SPTBN1: variants seen among roughly 807,000 people sequenced by gnomAD.
SPTBN1 encodes the protein spectrin beta, non-erythrocytic 1, also known as spectrin beta chain, non-erythrocytic 1.
In SPTBN1, 32 loss-of-function variants were observed where a neutral mutation model predicts 266.4. The observed-to-expected ratio is 0.12, with a 90% CI of 0.09 to 0.16. The LOEUF is 0.16. SPTBN1 is among the 10% of genes least tolerant of loss of function. The pLI is 1.00. For missense variants in SPTBN1, 2,296 were observed against 3,067.1 expected, an observed-to-expected ratio of 0.75 and a Z score of 5.94; for synonymous variants, 1,336 against 1,162.2, an observed-to-expected ratio of 1.15 and a Z score of -3.04.
rs142166385 is a variant in SPTBN1, at chr2:54,634,256, G to A, written c.3767+1488G>A. 6.9e-4 allele frequency among the ~76,000 whole-genome samples: 105 copies of A among 152,248 alleles called. 1 individual carries two copies. Among genetic ancestry groups the A allele is most frequent in the African/African-American group, 2.5e-3 (104 of 41,542 alleles). On this transcript the variant is annotated intron_variant, in intron 17 of 35. Transcript: ENST00000356805. ...TTTTTATGTCCCCAGTGCTGCAACT[G>A]CACAAAGCTGTTGGAAGCAGATGAT...
intron 34 of SPTBN1, among the ~76,000 whole-genome samples, 157 bp from the exon 35 acceptor site, chr2:54,667,447 C>T (rs1572790404): frequency 6.6e-6 from 1 of 152,072 alleles, no homozygotes; most frequent in Non-Finnish European, 1.5e-5. Context: ...TGTTGCTGGG[C>T]CTGGGCGGGT....
chr2:54,644,780 A>G (rs1390729030), intron 20 of SPTBN1, among the ~76,000 whole-genome samples, 194 bp downstream of exon 20: 4 of 152,224 alleles, frequency 2.6e-5, no homozygotes, highest in African/African-American at 9.7e-5. Flanking sequence ...AACTAGAAAG[A>G]CACAGTATTA....
In SPTBN1 at chr2:54,597,384, T is replaced by C. The variant is rs1033038447; in HGVS notation, c.149-1708T>C. On this transcript the variant is annotated intron_variant, in intron 2 of 35. Transcript: ENST00000356805. The stretch of plus-strand genomic sequence containing the variant: ...TTCTGTGGGACCTGTCATGATGTTA[T>C]TGGTGCAGCTGCTTCTCCACTGCAG... Among the ~76,000 whole-genome samples the C allele has an allele frequency of 5.3e-5, 8 of 152,230 alleles. No individual in the cohort carries two copies. The South Asian group carries it at 6.2e-4, about 12-fold the overall frequency.
chr2:54,647,389 G>A lies in SPTBN1; in HGVS notation c.4997+128G>A, dbSNP rs948590189. 8.2e-5 allele frequency: 109 copies of A among 1,333,432 alleles called. 1 individual carries two copies. The South Asian group carries it at 1.3e-3, about 16-fold the overall frequency. 82.6% of individuals were successfully genotyped at this position (1,333,432 alleles called of 1,614,324 possible). Reference sequence around the variant, plus strand: ...TGCTGGTAAGGCAAATCTTTGAGAAGCATTTTTAAAACAGACCCATCATTT... The same window carrying A: ...TGCTGGTAAGGCAAATCTTTGAGAAACATTTTTAAAACAGACCCATCATTT... On this transcript the variant is annotated intron_variant, in intron 24 of 35. Coordinates refer to ENST00000356805, the MANE Select transcript of SPTBN1 (RefSeq NM_003128.3).
intron 1 of SPTBN1, among the ~76,000 whole-genome samples, chr2:54,512,412 G>A (rs1449491528): frequency 1.3e-5 from 2 of 152,164 alleles, no homozygotes; most frequent in Non-Finnish European, 2.9e-5. Flanking sequence ...TAATGCAAGC[G>A]ATGGTAGTTA....
chr2:54,475,531 T>C (rs1667782698), intron 1 of SPTBN1, among the ~76,000 whole-genome samples: 1 of 152,162 alleles, frequency 6.6e-6, no homozygotes, highest in Non-Finnish European at 1.5e-5. Flanking sequence ...ATGGCCTGTG[T>C]CCAGACTGCA....
At chr2:54,662,130 A>G (rs990512887) in intron 32 of SPTBN1, 12 of 985,146 alleles carry the variant, frequency 1.2e-5, no homozygotes, top group Non-Finnish European at 1.4e-5. Context: ...CCACTAAAGC[A>G]CTCTGGACTA....
chr2:54,515,149 GGCCCCC>G (rs1173856735), intron 1 of SPTBN1, among the ~76,000 whole-genome samples: 4 of 151,964 alleles, frequency 2.6e-5, no homozygotes, highest in Non-Finnish European at 5.9e-5. Flanking sequence ...CTGGTCTTGT[GGCCCCC>G]ACCCAGGACT....
chr2:54,520,425 A>T (rs553733158), intron 1 of SPTBN1: 24 of 152,328 alleles, frequency 1.6e-4, no homozygotes, highest in African/African-American at 5.8e-4. Context: ...CCTCAAAGGT[A>T]CAGGATGATA....
intron 2 of SPTBN1, among the ~76,000 whole-genome samples, chr2:54,561,054 A>G (rs1673265240): frequency 6.6e-6 from 1 of 152,224 alleles, no homozygotes; most frequent in African/African-American, 2.4e-5. Context: ...CATTCCTGCA[A>G]GGGTGCCTTT....
At chr2:54,613,343 A>T (rs1558428321) in intron 4 of SPTBN1, among the ~76,000 whole-genome samples, 1 of 152,172 alleles carries the variant, frequency 6.6e-6, no homozygotes, top group African/African-American at 2.4e-5. Flanking sequence ...AAAACCTCAC[A>T]CAAAAAGGAA....
chr2:54,628,729 AAAT>A lies in SPTBN1; in HGVS notation c.1799-200_1799-198del, dbSNP rs928512563. The stretch of plus-strand genomic sequence containing the variant: ...CTTTGTCTGCGGTTTGGCCAAAAAA[AAAT>A]AATGTTTATCATTGCCCTCACTCCT... On this transcript the variant is annotated intron_variant, in intron 13 of 35. Transcript: ENST00000356805. This position sits in a 1 kb window ranked among gnomAD's most constrained non-coding sequence, Gnocchi z 4.3. Among the ~76,000 whole-genome samples the A allele has an allele frequency of 3.9e-5, 6 of 152,240 alleles. No individual in the cohort carries two copies. The highest frequency in any genetic ancestry group is 1.4e-4 in the African/African-American group (6 of 41,460).
intron 1 of SPTBN1, among the ~76,000 whole-genome samples, chr2:54,517,519 C>T (rs1670176699): frequency 6.6e-6 from 1 of 152,018 alleles, no homozygotes; most frequent in African/African-American, 2.4e-5. Context: ...TATTTGAAGT[C>T]CAAAATACTT....
chr2:54,612,119 C>G, intron 3 of SPTBN1, 42 bp from the exon 4 acceptor site: 1 of 1,539,162 alleles, frequency 6.5e-7, no homozygotes, highest in Non-Finnish European at 8.8e-7. Context: ...CATCTCTACT[C>G]TGTTGGGTGA....
chr2:54,578,195 T>C (rs150626918), intron 2 of SPTBN1, among the ~76,000 whole-genome samples: 1 of 152,316 alleles, frequency 6.6e-6, no homozygotes, highest in Non-Finnish European at 1.5e-5. Flanking sequence ...AAAAGTACAG[T>C]GTTCACTGCT....
chr2:54,519,146 C>T (rs1292584429), intron 1 of SPTBN1, among the ~76,000 whole-genome samples: 1 of 152,136 alleles, frequency 6.6e-6, no homozygotes, highest in Non-Finnish European at 1.5e-5. Context: ...TGCCCCTGTG[C>T]TCTCACCTCC....
chr2:54,579,772 A>G (rs1419721367), intron 2 of SPTBN1, among the ~76,000 whole-genome samples: 1 of 152,268 alleles, frequency 6.6e-6, no homozygotes, highest in Non-Finnish European at 1.5e-5. Flanking sequence ...ATGCATTAAG[A>G]CTAAAATGAC....
intron 1 of SPTBN1, among the ~76,000 whole-genome samples, chr2:54,474,373 C>T (rs771929017): frequency 1.3e-5 from 2 of 151,940 alleles, no homozygotes; most frequent in Non-Finnish European, 2.9e-5. Flanking sequence ...AAGTGCTGAC[C>T]GTGGAGCTGT....
rs71408769 is a variant in SPTBN1, at chr2:54,571,546, TACAC to T, written c.149-27520_149-27517del. Among the ~76,000 whole-genome samples the T allele has an allele frequency of 3.4e-3, 459 of 134,492 alleles. 2 individuals are homozygous for T. The highest frequency in any genetic ancestry group is 9.6e-3 in the African/African-American group (302 of 31,370). 88.2% of individuals were successfully genotyped at this position (134,492 alleles called of 152,430 possible). A position where few individuals can be genotyped will look rare whatever the true frequency, so the allele number is the denominator to read the frequency against. On this transcript the variant is annotated intron_variant, in intron 2 of 35. Coordinates refer to ENST00000356805, the MANE Select transcript of SPTBN1 (RefSeq NM_003128.3). The stretch of plus-strand genomic sequence containing the variant: ...CCTATTACTGTTCCCTAATTGTATG[TACAC>T]ACACACACACACACACACACACACA...
Sources: allele counts gnomAD v4.1 joint callset (sites outside exome capture counted in the v4.1 genomes callset), GRCh38; gene constraint gnomAD v4.1.1; non-coding constraint Gnocchi (gnomAD v3.1); transcripts MANE v1.5; gene names NCBI Gene and HGNC (gene_info 2026-07-23, HGNC 2026-07-21).